The following TACR1 variants were observed in gnomAD, a reference collection of about 807,000 sequenced individuals.
TACR1 encodes the protein substance-P receptor.
Under a neutral mutation model 35.8 loss-of-function variants are expected in TACR1, and 25 were observed. That is an observed-to-expected ratio of 0.70 (90% confidence interval 0.51 to 0.98). TACR1 has a LOEUF of 0.98. Ranked by LOEUF, TACR1 falls within the 50% of genes least tolerant of loss-of-function variation. The pLI is 0.00. For synonymous variants in TACR1, 195 were observed against 206.7 expected, an observed-to-expected ratio of 0.94 and a Z score of 0.48; for missense variants, 478 against 522.9, an observed-to-expected ratio of 0.91 and a Z score of 0.84.
At chr2:75,115,267 A>G (rs1196253008) in intron 2 of TACR1, among the ~76,000 whole-genome samples, 3 of 152,168 alleles carry the variant, frequency 2.0e-5, no homozygotes, top group African/African-American at 7.2e-5. Flanking sequence ...GGAAATGAGC[A>G]TTTTAACTAT....
At chr2:75,124,995 C>T (rs1674045717) in intron 1 of TACR1, among the ~76,000 whole-genome samples, 1 of 152,174 alleles carries the variant, frequency 6.6e-6, no homozygotes, top group Non-Finnish European at 1.5e-5. Context: ...GCACAGTGGT[C>T]AATCTGGGAT....
chr2:75,064,732 C>T (rs1240774669), intron 2 of TACR1, among the ~76,000 whole-genome samples: 2 of 152,188 alleles, frequency 1.3e-5, no homozygotes, highest in African/African-American at 4.8e-5. Flanking sequence ...TTGTCCTAGG[C>T]TGTAATTCCC....
chr2:75,069,972 A>G (rs915767284), intron 2 of TACR1, among the ~76,000 whole-genome samples: 4 of 151,952 alleles, frequency 2.6e-5, no homozygotes, highest in Non-Finnish European at 4.4e-5. Flanking sequence ...TCACAGGATG[A>G]GGAGTCATGC....
intron 2 of TACR1, among the ~76,000 whole-genome samples, chr2:75,062,468 CAAT>C (rs1672689520): frequency 6.6e-6 from 1 of 152,116 alleles, no homozygotes; most frequent in South Asian, 2.1e-4. Flanking sequence ...CTTTTTATGT[CAAT>C]AAGTATTTCT....
chr2:75,085,034 A>G (rs1024564559), intron 2 of TACR1, among the ~76,000 whole-genome samples: 2 of 152,038 alleles, frequency 1.3e-5, no homozygotes, highest in Admixed American at 6.6e-5. Flanking sequence ...TGTCAATTTT[A>G]GATCTTTCCT....
chr2:75,059,197 T>C (rs1347800249), intron 2 of TACR1, among the ~76,000 whole-genome samples: 2 of 152,180 alleles, frequency 1.3e-5, no homozygotes. Flanking sequence ...GCAATATCCA[T>C]ACCACATAAT....
chr2:75,142,607 AAGACAG>A (rs1441521153), intron 1 of TACR1, among the ~76,000 whole-genome samples: 15 of 152,174 alleles, frequency 9.9e-5, no homozygotes, highest in Non-Finnish European at 1.8e-4. Context: ...CTGGAGACAT[AAGACAG>A]ATAAGACAAA....
At chr2:75,097,533 G>A (rs1486370768) in intron 2 of TACR1, among the ~76,000 whole-genome samples, 1 of 152,070 alleles carries the variant, frequency 6.6e-6, no homozygotes, top group African/African-American at 2.4e-5. Context: ...GCAAAATCAT[G>A]GGGCTCAACA....
chr2:75,103,240 G>T (rs1673574080), intron 2 of TACR1, among the ~76,000 whole-genome samples: 1 of 152,108 alleles, frequency 6.6e-6, no homozygotes, highest in Non-Finnish European at 1.5e-5. Context: ...AGAAGTGGTT[G>T]ATTGTAGAAC....
chr2:75,151,692 C>CTT (rs1158468652), intron 1 of TACR1, among the ~76,000 whole-genome samples: 1 of 152,144 alleles, frequency 6.6e-6, no homozygotes, highest in African/African-American at 2.4e-5. Flanking sequence ...TGGGACACTG[C>CTT]CTAGTGGAGC....
intron 2 of TACR1, among the ~76,000 whole-genome samples, chr2:75,098,345 T>A (rs186384984): frequency 9.2e-5 from 14 of 152,288 alleles, no homozygotes; most frequent in African/African-American, 3.4e-4. Context: ...TCCTAGATGT[T>A]TTCATTTTAG....
At chr2:75,121,971 C>G (rs751245843) in intron 1 of TACR1, among the ~76,000 whole-genome samples, 1 of 152,148 alleles carries the variant, frequency 6.6e-6, no homozygotes, top group African/African-American at 2.4e-5. Context: ...GATCTCTAGA[C>G]CAGAATTAGG....
chr2:75,076,522 C>T (rs749550843), intron 2 of TACR1, among the ~76,000 whole-genome samples: 6 of 152,144 alleles, frequency 3.9e-5, no homozygotes, highest in African/African-American at 7.2e-5. Flanking sequence ...ATTCCACTGG[C>T]GGGCTGACAC....
chr2:75,170,903 G>T (rs1425167918), intron 1 of TACR1, among the ~76,000 whole-genome samples: 2 of 152,160 alleles, frequency 1.3e-5, no homozygotes, highest in African/African-American at 2.4e-5. Context: ...TAGTCACAAA[G>T]ATATGGTTTG....
chr2:75,142,789 A>T (rs1233560303), intron 1 of TACR1, among the ~76,000 whole-genome samples: 1 of 152,148 alleles, frequency 6.6e-6, no homozygotes, highest in Non-Finnish European at 1.5e-5. Flanking sequence ...GATTCTCAAA[A>T]TCATCCCAGT....
intron 2 of TACR1, among the ~76,000 whole-genome samples, chr2:75,104,006 T>C (rs1020173460): frequency 2.0e-5 from 3 of 151,922 alleles, no homozygotes; most frequent in African/African-American, 7.2e-5. Flanking sequence ...ACAAAGAATC[T>C]ACAAAACAAC....
chr2:75,193,339 T>A (rs897955323), intron 1 of TACR1, among the ~76,000 whole-genome samples: 2 of 152,192 alleles, frequency 1.3e-5, no homozygotes, highest in African/African-American at 2.4e-5. Context: ...AGGAAAGAGA[T>A]CATTCCCTTC....
chr2:75,114,000 G>A (rs370895055), intron 2 of TACR1, among the ~76,000 whole-genome samples: 3 of 151,908 alleles, frequency 2.0e-5, no homozygotes, highest in South Asian at 2.1e-4. Context: ...TAAAAATTTC[G>A]GCTGATTTTT....
At chr2:75,063,665 T>C (rs1449523194) in intron 2 of TACR1, among the ~76,000 whole-genome samples, 1 of 152,188 alleles carries the variant, frequency 6.6e-6, no homozygotes, top group Admixed American at 6.5e-5. Flanking sequence ...TCCTTACTGG[T>C]GTCAGCTCTG....
Sources: allele counts gnomAD v4.1 joint callset (sites outside exome capture counted in the v4.1 genomes callset), GRCh38; gene constraint gnomAD v4.1.1; transcripts MANE v1.5; gene names NCBI Gene and HGNC (gene_info 2026-07-23, HGNC 2026-07-21).